GNAQ: variants seen among roughly 807,000 people sequenced by gnomAD.
The protein encoded by GNAQ is G protein subunit alpha q.
GNAQ carries 8 observed loss-of-function variants against 43.9 expected under a neutral mutation model. The ratio of observed to expected loss-of-function variants is 0.18; its 90% CI spans 0.11 to 0.33. GNAQ has a LOEUF of 0.33. Ranked by LOEUF, GNAQ falls within the 10% of genes least tolerant of loss-of-function variation. The pLI is 1.00. For missense variants in GNAQ, 158 were observed against 450.8 expected (o/e 0.35, Z 5.88); for synonymous variants, 155 against 170.7 (o/e 0.91, Z 0.71).
At chr9:78,030,408 T>C (rs1013500706) in intron 1 of GNAQ, 14 of 415,750 alleles carry the variant, frequency 3.4e-5, no homozygotes, top group Non-Finnish European at 6.1e-5. Flanking sequence ...TTCGATGGTC[T>C]GGTGGCTAGA....
intron 2 of GNAQ, among the ~76,000 whole-genome samples, chr9:77,832,827 G>A (rs1827321833): frequency 6.6e-6 from 1 of 152,128 alleles, no homozygotes; most frequent in Non-Finnish European, 1.5e-5. Context: ...GAGGAGAGGG[G>A]GGAGCTACAC....
chr9:78,006,424 A>G (rs1450467912), intron 1 of GNAQ, among the ~76,000 whole-genome samples: 4 of 152,154 alleles, frequency 2.6e-5, no homozygotes, highest in African/African-American at 9.7e-5. Context: ...CATACCAAAA[A>G]ATCTTAGAGA....
At chr9:77,871,042 T>C (rs1230542983) in intron 2 of GNAQ, among the ~76,000 whole-genome samples, 1 of 152,168 alleles carries the variant, frequency 6.6e-6, no homozygotes, top group Admixed American at 6.5e-5. Context: ...GGGTGCATGG[T>C]TCATACATTT....
At chr9:77,970,985 G>A (rs1823230647) in intron 1 of GNAQ, among the ~76,000 whole-genome samples, 1 of 152,066 alleles carries the variant, frequency 6.6e-6, no homozygotes, top group Non-Finnish European at 1.5e-5. Context: ...CACCATCAGA[G>A]AATACCATAA....
At chr9:77,994,027 T>C (rs908712263) in intron 1 of GNAQ, among the ~76,000 whole-genome samples, 9 of 152,076 alleles carry the variant, frequency 5.9e-5, no homozygotes, top group African/African-American at 1.2e-4. Flanking sequence ...GTTTGTCTGT[T>C]TGTTTTTGAG....
intron 1 of GNAQ, among the ~76,000 whole-genome samples, chr9:77,991,058 T>G (rs1823501083): frequency 6.6e-6 from 1 of 152,260 alleles, no homozygotes; most frequent in African/African-American, 2.4e-5. Context: ...GAAATTGCTT[T>G]CAAGTATGCA....
chr9:77,756,771 T>G (rs1411119814), intron 5 of GNAQ, among the ~76,000 whole-genome samples: 3 of 152,250 alleles, frequency 2.0e-5, no homozygotes, highest in African/African-American at 4.8e-5. Flanking sequence ...CTTAGAAGGA[T>G]ATGGTAGCCT....
At chr9:77,740,517 G>T (rs1825636959) in intron 5 of GNAQ, among the ~76,000 whole-genome samples, 1 of 152,104 alleles carries the variant, frequency 6.6e-6, no homozygotes, top group South Asian at 2.1e-4. Context: ...TAAGAAAGCA[G>T]GTGTAACTTA....
chr9:78,010,546 A>G (rs540221596), intron 1 of GNAQ, among the ~76,000 whole-genome samples: 1 of 152,306 alleles, frequency 6.6e-6, no homozygotes, highest in South Asian at 2.1e-4. Flanking sequence ...CTGAGATTCT[A>G]TAATTATAAC....
At chr9:78,005,627 G>A (rs1823696006) in intron 1 of GNAQ, among the ~76,000 whole-genome samples, 1 of 152,146 alleles carries the variant, frequency 6.6e-6, no homozygotes, top group Non-Finnish European at 1.5e-5. Flanking sequence ...TGTTTTCAAG[G>A]AACTTTTACC....
chr9:77,843,377 A>G (rs1313759418), intron 2 of GNAQ, among the ~76,000 whole-genome samples: 2 of 152,208 alleles, frequency 1.3e-5, no homozygotes, highest in Non-Finnish European at 2.9e-5. Flanking sequence ...AAGGTGAGAG[A>G]CACAGCCCTT....
chr9:77,957,292 G>A (rs1306716860), intron 1 of GNAQ, among the ~76,000 whole-genome samples: 2 of 152,102 alleles, frequency 1.3e-5, no homozygotes, highest in Non-Finnish European at 2.9e-5. Context: ...GGAGGTGGAA[G>A]TTGCAGTGAG....
chr9:77,927,031 T>C (rs1358916072), intron 1 of GNAQ, among the ~76,000 whole-genome samples: 1 of 152,190 alleles, frequency 6.6e-6, no homozygotes, highest in Non-Finnish European at 1.5e-5. Flanking sequence ...ATACAGTGCA[T>C]CAATTTGTAA....
Position 77,717,062 on chromosome 9 carries a change from T to C in GNAQ, c.*4261A>G. On this transcript the variant is annotated 3_prime_UTR_variant, in exon 7 of 7. Coordinates refer to ENST00000286548, the MANE Select transcript of GNAQ (RefSeq NM_002072.5). Reference sequence around the variant, plus strand: ...AATCATATACAACTAAGCCATTTCTTTTCCTAATTTGATGGAACCAAAATG... The same window carrying C: ...AATCATATACAACTAAGCCATTTCTCTTCCTAATTTGATGGAACCAAAATG... The C allele has an allele frequency of 4.3e-6, 1 of 232,786 alleles. No individual in the cohort carries two copies. Among genetic ancestry groups the C allele is most frequent in the South Asian group, 1.8e-4 (1 of 5,520 alleles). The allele number at this position is 232,786 out of a possible 1,614,324, so 14.4% of individuals were successfully genotyped here. A position where few individuals can be genotyped will look rare whatever the true frequency, so the allele number is the denominator to read the frequency against.
intron 1 of GNAQ, among the ~76,000 whole-genome samples, chr9:77,994,253 G>C (rs546913489): frequency 1.3e-5 from 2 of 152,062 alleles, no homozygotes; most frequent in South Asian, 4.2e-4. Flanking sequence ...TGTCCAGGCT[G>C]GTCTCTTAAC....
At chr9:77,858,612 A>T (rs1366228552) in intron 2 of GNAQ, among the ~76,000 whole-genome samples, 1 of 151,896 alleles carries the variant, frequency 6.6e-6, no homozygotes, top group Non-Finnish European at 1.5e-5. Context: ...GTCTGACGCC[A>T]TCAGTCACCC....
chr9:77,766,580 G>C (rs77893395), intron 5 of GNAQ, among the ~76,000 whole-genome samples: 2 of 152,152 alleles, frequency 1.3e-5, no homozygotes, highest in African/African-American at 2.4e-5. Flanking sequence ...CTTATTTTAA[G>C]TGAAGATGTT....
chr9:77,896,810 C>T (rs1795285582), intron 2 of GNAQ, among the ~76,000 whole-genome samples: 1 of 152,184 alleles, frequency 6.6e-6, no homozygotes, highest in South Asian at 2.1e-4. Flanking sequence ...CATTTCATGA[C>T]CCTAATTATT....
intron 2 of GNAQ, among the ~76,000 whole-genome samples, chr9:77,896,450 C>T (rs895313359): frequency 2.0e-5 from 3 of 152,156 alleles, no homozygotes; most frequent in Admixed American, 1.3e-4. Context: ...CAGAGGAAGT[C>T]CTATCTGTCC....
Sources: gnomAD v4.1 joint callset for allele counts (sites outside exome capture counted in the v4.1 genomes callset) on GRCh38, gnomAD v4.1.1 for gene constraint, MANE v1.5 for transcripts, NCBI Gene and HGNC (gene_info 2026-07-23, HGNC 2026-07-21) for gene names.